HS6ST3: variants seen among roughly 807,000 people sequenced by gnomAD.
The protein encoded by HS6ST3 is heparan-sulfate 6-O-sulfotransferase 3.
HS6ST3 carries 12 observed loss-of-function variants against 36.7 expected under a neutral mutation model. That is an observed-to-expected ratio of 0.33 (90% CI 0.21 to 0.53). HS6ST3 has a LOEUF of 0.53. HS6ST3 is among the 20% of genes least tolerant of loss of function. The pLI, the probability that HS6ST3 is intolerant of heterozygous loss-of-function variation, is 0.95. For missense variants in HS6ST3, 584 were observed against 640.9 expected (o/e 0.91, Z 0.96); for synonymous variants, 240 against 257.5 (o/e 0.93, Z 0.65).
At chr13:96,521,628 C>T (rs976656460) in intron 1 of HS6ST3, among the ~76,000 whole-genome samples, 1 of 152,066 alleles carries the variant, frequency 6.6e-6, no homozygotes, top group African/African-American at 2.4e-5. Flanking sequence ...GATTTTCTAG[C>T]TTATTTGCAT....
At chr13:96,624,110 G>A (rs2056504143) in intron 1 of HS6ST3, among the ~76,000 whole-genome samples, 1 of 152,082 alleles carries the variant, frequency 6.6e-6, no homozygotes, top group Non-Finnish European at 1.5e-5. Flanking sequence ...CATAAAATAT[G>A]TATTATGCAC....
intron 1 of HS6ST3, among the ~76,000 whole-genome samples, chr13:96,189,955 C>T (rs1034827777): frequency 2.0e-5 from 3 of 152,090 alleles, no homozygotes; most frequent in Admixed American, 6.5e-5. Flanking sequence ...TGCAGCCCAC[C>T]CCACATTGAC....
chr13:96,611,751 A>T (rs573154886), intron 1 of HS6ST3, among the ~76,000 whole-genome samples: 6 of 152,314 alleles, frequency 3.9e-5, no homozygotes, highest in African/African-American at 1.4e-4. Flanking sequence ...TCATCAAATT[A>T]TGAAGATTCA....
intron 1 of HS6ST3, among the ~76,000 whole-genome samples, chr13:96,512,354 A>C (rs1051019986): frequency 2.6e-5 from 4 of 152,208 alleles, no homozygotes; most frequent in Non-Finnish European, 5.9e-5. Flanking sequence ...CACAATATTG[A>C]ACTAACTGTT....
chr13:96,185,800 G>A (rs1004354026), intron 1 of HS6ST3, among the ~76,000 whole-genome samples: 63 of 152,116 alleles, frequency 4.1e-4, no homozygotes, highest in Admixed American at 4.0e-3. Context: ...TTCAACGTTC[G>A]GAATTTCACT....
chr13:96,678,450 G>A (rs2056706747), intron 1 of HS6ST3, among the ~76,000 whole-genome samples: 2 of 152,056 alleles, frequency 1.3e-5, no homozygotes, highest in Admixed American at 6.6e-5. Flanking sequence ...CGAGGCAGGT[G>A]GATCATGAGG....
intron 1 of HS6ST3, among the ~76,000 whole-genome samples, chr13:96,442,456 C>A (rs1378151193): frequency 2.0e-5 from 3 of 152,182 alleles, no homozygotes; most frequent in Non-Finnish European, 4.4e-5. Flanking sequence ...ACACTGACTT[C>A]CATCTCTGAA....
chr13:96,587,546 T>A (rs1481152233), intron 1 of HS6ST3, among the ~76,000 whole-genome samples: 1 of 152,222 alleles, frequency 6.6e-6, no homozygotes, highest in Admixed American at 6.5e-5. Context: ...CATTACAAGA[T>A]GGATGGCATC....
chr13:96,400,361 T>TC, intron 1 of HS6ST3, among the ~76,000 whole-genome samples: 1 of 151,520 alleles, frequency 6.6e-6, no homozygotes, highest in East Asian at 1.9e-4. Flanking sequence ...GACTCCTGAA[T>TC]AGGCTGGGAA....
At chr13:96,216,979 G>A (rs1458867578) in intron 1 of HS6ST3, among the ~76,000 whole-genome samples, 2 of 152,164 alleles carry the variant, frequency 1.3e-5, no homozygotes, top group Non-Finnish European at 2.9e-5. Context: ...TCTGCAGAGA[G>A]AAGTCACTGT....
chr13:96,517,777 A>G (rs2056078285), intron 1 of HS6ST3, among the ~76,000 whole-genome samples: 1 of 151,902 alleles, frequency 6.6e-6, no homozygotes, highest in Non-Finnish European at 1.5e-5. Flanking sequence ...AGCAGGCCCC[A>G]GTGTCTGTTG....
intron 1 of HS6ST3, among the ~76,000 whole-genome samples, chr13:96,185,162 A>C (rs941325661): frequency 2.0e-5 from 3 of 152,230 alleles, no homozygotes; most frequent in African/African-American, 7.2e-5. Context: ...TAAAAGAAGC[A>C]ATCTAGAGTC....
chr13:96,482,862 A>T (rs2055896307), intron 1 of HS6ST3, among the ~76,000 whole-genome samples: 1 of 152,196 alleles, frequency 6.6e-6, no homozygotes, highest in Admixed American at 6.5e-5. Flanking sequence ...CCTTTAAGTG[A>T]TTAATTTTTC....
At chr13:96,259,046 G>A (rs1444910262) in intron 1 of HS6ST3, among the ~76,000 whole-genome samples, 1 of 152,106 alleles carries the variant, frequency 6.6e-6, no homozygotes, top group Non-Finnish European at 1.5e-5. Context: ...CTACACAGAG[G>A]GAATTACATA....
chr13:96,369,478 C>T (rs1228794607), intron 1 of HS6ST3, among the ~76,000 whole-genome samples: 1 of 152,174 alleles, frequency 6.6e-6, no homozygotes, highest in Non-Finnish European at 1.5e-5. Flanking sequence ...CCCACAATAT[C>T]ACCATGTTTT....
At chr13:96,779,737 G>A (rs568845816) in intron 1 of HS6ST3, among the ~76,000 whole-genome samples, 1 of 150,510 alleles carries the variant, frequency 6.6e-6, no homozygotes, top group South Asian at 2.1e-4. Context: ...TGGCTTTGGG[G>A]CTTGTCCCAA....
chr13:96,663,405 C>G lies in HS6ST3; in HGVS notation c.708-169085C>G, dbSNP rs533447567. Among the ~76,000 whole-genome samples, 14 of 152,146 alleles carry G rather than the reference C, an allele frequency of 9.2e-5. No homozygotes were observed. In the South Asian group the frequency reaches 2.9e-3, roughly 32 times the overall value. ...GGCTAATAAGTGCATAATAAAGTAC[C>G]AAACATCATGAGTCATTAGGGAATG... On this transcript the variant is annotated intron_variant, in intron 1 of 1. Coordinates refer to ENST00000376705, the MANE Select transcript of HS6ST3 (RefSeq NM_153456.4).
chr13:96,730,966 A>T (rs1278315022), intron 1 of HS6ST3, among the ~76,000 whole-genome samples: 1 of 152,290 alleles, frequency 6.6e-6, no homozygotes, highest in African/African-American at 2.4e-5. Context: ...TCCTGGGCTC[A>T]AGCGATCCTC....
chr13:96,753,309 A>G (rs1299950640), intron 1 of HS6ST3, among the ~76,000 whole-genome samples: 2 of 152,214 alleles, frequency 1.3e-5, no homozygotes, highest in Non-Finnish European at 2.9e-5. Flanking sequence ...ACATTTGGAA[A>G]GAATTATACC....
Sources: gnomAD v4.1 joint callset for allele counts (sites outside exome capture counted in the v4.1 genomes callset) on GRCh38, gnomAD v4.1.1 for gene constraint, MANE v1.5 for transcripts, NCBI Gene and HGNC (gene_info 2026-07-23, HGNC 2026-07-21) for gene names.